ZFR: variants seen among roughly 807,000 people sequenced by gnomAD.
ZFR encodes the protein zinc finger RNA-binding protein.
In ZFR, 19 loss-of-function variants were observed where a neutral mutation model predicts 130.7. The observed-to-expected ratio is 0.15, with a 90% CI of 0.10 to 0.21. The LOEUF (loss-of-function observed/expected upper bound fraction) is 0.21. ZFR is among the 10% of genes least tolerant of loss of function. The pLI is 1.00. For synonymous variants in ZFR, 466 were observed against 456.9 expected, an observed-to-expected ratio of 1.02 and a Z score of -0.25; for missense variants, 872 against 1,321.5, an observed-to-expected ratio of 0.66 and a Z score of 5.27.
rs1332399444 is a variant in ZFR, at chr5:32,417,545, G to C, written c.565+103C>G. On this transcript the variant is annotated intron_variant, in intron 4 of 19. Coordinates refer to ENST00000265069, the MANE Select transcript of ZFR (RefSeq NM_016107.5). The stretch of plus-strand genomic sequence containing the variant: ...TCTAGAACCTGCCTCCTAAGATGAT[G>C]TGATATGAGTTTAGATGGACTCAAA... 3.5e-6 allele frequency: 5 copies of C among 1,426,964 alleles called. No homozygotes were observed. In the Admixed American group the frequency reaches 9.3e-5, roughly 27 times the overall value. The allele number at this position is 1,426,964 out of a possible 1,614,324, so 88.4% of individuals were successfully genotyped here. A position where few individuals can be genotyped will look rare whatever the true frequency, so the allele number is the denominator to read the frequency against.
intron 19 of ZFR, 53 bp from the exon 20 acceptor site, chr5:32,355,992 A>AG: frequency 6.9e-7 from 1 of 1,456,942 alleles, no homozygotes; most frequent in Non-Finnish European, 9.2e-7. Context: ...CCAAGTAGTA[A>AG]TACTTACTAC....
In ZFR at chr5:32,385,567, A is replaced by G; in HGVS notation, c.2582T>C (p.Met861Thr). 1.2e-6 allele frequency: 2 copies of G among 1,613,514 alleles called. No individual in the cohort carries two copies. Among genetic ancestry groups the G allele is most frequent in the Non-Finnish European group, 1.7e-6 (2 of 1,179,580 alleles). ...IILNSCVEPK[M>T]QVTITLTSPI... ...AGATGTCAGTGTGATAGTGACTTGC[A>G]TTTTGGGTTCCACACATGAATTCAA... The change falls in exon 15 of 20, where the codon ATG (methionine) becomes ACG (threonine). Residue 861 changes from methionine (M) to threonine (T), a missense_variant. Met to Thr is a moderately conservative substitution (Grantham distance 81). Around this residue, in one of 7 missense-constraint regions of ZFR, gnomAD observed 225 missense variants for 282.4 expected, o/e 0.80. Coordinates refer to ENST00000265069, the MANE Select transcript of ZFR (RefSeq NM_016107.5).
At chr5:32,405,490 A>C (rs1275824142) in intron 6 of ZFR, among the ~76,000 whole-genome samples, 1 of 152,216 alleles carries the variant, frequency 6.6e-6, no homozygotes, top group African/African-American at 2.4e-5. Flanking sequence ...CACAGCAAAA[A>C]TAGCCAGCCT....
chr5:32,397,347 G>C lies in ZFR; in HGVS notation c.1714-9C>G. The C allele has an allele frequency of 6.3e-7, 1 of 1,599,892 alleles. No individual in the cohort carries two copies. Among genetic ancestry groups the C allele is most frequent in the Non-Finnish European group, 8.5e-7 (1 of 1,175,734 alleles). On this transcript the variant is annotated splice_polypyrimidine_tract_variant and intron_variant, in intron 9 of 19. Transcript: ENST00000265069. Reference sequence around the variant, plus strand: ...CCTTCATCATTTCGTACCTTGGTGTGGAAAAAAAATTCAAGAATCATCATA... The same window carrying C: ...CCTTCATCATTTCGTACCTTGGTGTCGAAAAAAAATTCAAGAATCATCATA...
intron 1 of ZFR, 104 bp from the exon 2 acceptor site, chr5:32,444,432 G>A: frequency 7.3e-7 from 1 of 1,378,142 alleles, no homozygotes; most frequent in Non-Finnish European, 9.8e-7. Flanking sequence ...CGCCGTGAGA[G>A]CAGCCCTGGC....
At chr5:32,415,509 TGTGTGTGCGCGC>T (rs1217498106) in intron 4 of ZFR, among the ~76,000 whole-genome samples, 2 of 93,880 alleles carry the variant, frequency 2.1e-5, no homozygotes, top group Non-Finnish European at 4.3e-5. Flanking sequence ...TGTGTGTGTG[TGTGTGTGCGCGC>T]GCGCGCGCGC....
At chr5:32,398,676 T>C (rs1372091432) in intron 9 of ZFR, among the ~76,000 whole-genome samples, 1 of 152,186 alleles carries the variant, frequency 6.6e-6, no homozygotes, top group African/African-American at 2.4e-5. Flanking sequence ...ACACAATTTT[T>C]CTTTTTCTTG....
rs548196626 is a variant in ZFR at position 32,364,086 on chromosome 5, T to C, written c.2948-41A>G. ...CAGGGAGAGGAAATTATTAGCATTG[T>C]CCACTTATAAAAAAAATTATTCAAC... is the stretch of plus-strand genomic sequence containing the variant. On this transcript the variant is annotated intron_variant, in intron 18 of 19. Coordinates refer to ENST00000265069, the MANE Select transcript of ZFR (RefSeq NM_016107.5). 347 of 1,600,686 alleles carry C rather than the reference T, an allele frequency of 2.2e-4. 2 individuals are homozygous for C. The South Asian group carries it at 2.9e-3, about 13-fold the overall frequency.
intron 16 of ZFR, 80 bp downstream of exon 16, chr5:32,379,995 G>GGT: frequency 8.4e-7 from 1 of 1,196,370 alleles, no homozygotes; most frequent in Admixed American, 1.8e-5. Context: ...CTTTTGAAAT[G>GGT]TTTAAGCACA....
intron 17 of ZFR, among the ~76,000 whole-genome samples, chr5:32,374,997 C>T (rs1752766460): frequency 6.6e-6 from 1 of 152,138 alleles, no homozygotes; most frequent in Non-Finnish European, 1.5e-5. Context: ...ATCACTGCTT[C>T]TAAATTTGAC....
intron 14 of ZFR, among the ~76,000 whole-genome samples, chr5:32,386,417 G>C (rs1037843420): frequency 1.3e-5 from 2 of 152,018 alleles, no homozygotes; most frequent in South Asian, 4.1e-4. Flanking sequence ...GGTTTGAAGA[G>C]TATTCCACTT....
intron 9 of ZFR, among the ~76,000 whole-genome samples, chr5:32,397,849 C>CTTTTTTTTTTTTTTTTTTTT (rs70961626): frequency 3.0e-5 from 2 of 66,868 alleles, no homozygotes; most frequent in African/African-American, 1.3e-4. Flanking sequence ...GCTCTTGTAT[C>CTTTTTTTTTTTTTTTTTTTT]TTTTTTTTTT....
chr5:32,380,388 G>A, intron 15 of ZFR: 2 of 398,378 alleles, frequency 5.0e-6, no homozygotes, highest in Non-Finnish European at 4.6e-6. Flanking sequence ...AACAATTTCT[G>A]GAAATATAAA....
chr5:32,408,742 A>G (rs891106207), intron 5 of ZFR, among the ~76,000 whole-genome samples: 4 of 152,206 alleles, frequency 2.6e-5, no homozygotes, highest in African/African-American at 9.6e-5. Flanking sequence ...CAATTATCTC[A>G]ACTGTTTTCT....
At position 32,403,981 on chromosome 5, in the gene ZFR, A is replaced by G; in HGVS notation, c.1149T>C (p.Arg383=). Residue 383 remains arginine (R), a synonymous_variant, in exon 7 of 20, where the codon CGT becomes CGC. Transcript: ENST00000265069. The part of the protein sequence containing the change: ...SSTRGTQNQL[R]CELCDVSCTG... ...TACAAGACACATCGCAGAGCTCACA[A>G]CGTAGCTGATTTTGAGTCCCACGAG... is the stretch of plus-strand genomic sequence containing the variant. The G allele has an allele frequency of 1.2e-6, 2 of 1,614,128 alleles. No homozygotes were observed. Among genetic ancestry groups the G allele is most frequent in the Non-Finnish European group, 1.7e-6 (2 of 1,179,976 alleles).
chr5:32,432,192 G>A (rs1216211929), intron 2 of ZFR, among the ~76,000 whole-genome samples: 1 of 152,068 alleles, frequency 6.6e-6, no homozygotes, highest in Non-Finnish European at 1.5e-5. Flanking sequence ...GCTATGTTGA[G>A]CTGGGGATGT....
At chr5:32,395,019 G>T in intron 11 of ZFR, 140 bp downstream of exon 11, 1 of 1,198,198 alleles carries the variant, frequency 8.3e-7, no homozygotes, top group Non-Finnish European at 1.1e-6. Flanking sequence ...GTCTTTCCTA[G>T]ACCTAGGATC....
chr5:32,401,239 A>C (rs1185407530), intron 8 of ZFR, among the ~76,000 whole-genome samples: 2 of 152,222 alleles, frequency 1.3e-5, no homozygotes, highest in Non-Finnish European at 2.9e-5. Flanking sequence ...ATACGGCGCT[A>C]AGTTCTGGTA....
intron 2 of ZFR, among the ~76,000 whole-genome samples, chr5:32,428,169 T>A (rs1268066476): frequency 6.6e-6 from 1 of 152,210 alleles, no homozygotes; most frequent in Non-Finnish European, 1.5e-5. Context: ...TGTGTGGCAC[T>A]GTGGGAGGCC....
Sources: gnomAD v4.1 joint callset for allele counts (sites outside exome capture counted in the v4.1 genomes callset) on GRCh38, gnomAD v4.1.1 for gene constraint, gnomAD v4.1.1 regional missense constraint, MANE v1.5 for transcripts, NCBI Gene and HGNC (gene_info 2026-07-23, HGNC 2026-07-21) for gene names.